BARX2: variants seen among roughly 807,000 people sequenced by gnomAD.
The protein encoded by BARX2 is homeobox protein BarH-like 2.
BARX2 carries 11 observed loss-of-function variants against 25.5 expected under a neutral mutation model. The observed-to-expected ratio is 0.43, with a 90% CI of 0.27 to 0.71. The LOEUF (loss-of-function observed/expected upper bound fraction) is 0.71. Among genes scored for constraint, BARX2 ranks in the 30% least tolerant of loss-of-function variants. The pLI is 0.19. For synonymous variants in BARX2, 137 were observed against 149.5 expected, an observed-to-expected ratio of 0.92 and a Z score of 0.61; for missense variants, 360 against 359.9, an observed-to-expected ratio of 1.00 and a Z score of 0.00.
At position 129,413,859 on chromosome 11, in the gene BARX2, C is replaced by G. The variant is rs554961765; in HGVS notation, c.188-22892C>G. Among the ~76,000 whole-genome samples the G allele has an allele frequency of 7.9e-5, 12 of 151,928 alleles. No homozygotes were observed. The East Asian group carries it at 1.4e-3, about 17-fold the overall frequency. On this transcript the variant is annotated intron_variant, in intron 1 of 3. Transcript: ENST00000281437. ...CAGGCGGATCACGAGGTCAGGAGATCGAGACAATCCTGGCTAACACGGTGA... is the reference window on the plus strand; with the variant it reads ...CAGGCGGATCACGAGGTCAGGAGATGGAGACAATCCTGGCTAACACGGTGA...
chr11:129,417,707 G>C (rs1427835073), intron 1 of BARX2, among the ~76,000 whole-genome samples: 1 of 152,240 alleles, frequency 6.6e-6, no homozygotes, highest in East Asian at 1.9e-4. Context: ...GATGCTGACT[G>C]CAAGAGAGGA....
chr11:129,397,908 T>C (rs1282958266), intron 1 of BARX2, among the ~76,000 whole-genome samples: 2 of 152,218 alleles, frequency 1.3e-5, no homozygotes, highest in Non-Finnish European at 2.9e-5. Context: ...TGAGTTCTTT[T>C]TCTGAACACT....
At chr11:129,404,103 G>A (rs1052575441) in intron 1 of BARX2, among the ~76,000 whole-genome samples, 1 of 152,170 alleles carries the variant, frequency 6.6e-6, no homozygotes, top group South Asian at 2.1e-4. Context: ...TTTTCAACAA[G>A]GACCACTGTG....
At chr11:129,446,024 T>A (rs1452219094) in intron 3 of BARX2, among the ~76,000 whole-genome samples, 1 of 152,184 alleles carries the variant, frequency 6.6e-6, no homozygotes, top group Non-Finnish European at 1.5e-5. Context: ...AGGGTAACTT[T>A]GCCAGAACCG....
intron 1 of BARX2, among the ~76,000 whole-genome samples, chr11:129,388,839 G>C (rs1182585966): frequency 6.6e-6 from 1 of 152,184 alleles, no homozygotes; most frequent in African/African-American, 2.4e-5. Context: ...CCATTTAGTG[G>C]AGTAATCCTA....
chr11:129,426,958 C>G (rs1862070252), intron 1 of BARX2, among the ~76,000 whole-genome samples: 1 of 152,188 alleles, frequency 6.6e-6, no homozygotes, highest in Non-Finnish European at 1.5e-5. Flanking sequence ...CATTGGAAGA[C>G]TTCCATTGAG....
rs1861503641 is a variant in BARX2, at chr11:129,376,309, G to C, written c.187+87G>C. On this transcript the variant is annotated intron_variant, in intron 1 of 3. Coordinates refer to ENST00000281437, the MANE Select transcript of BARX2 (RefSeq NM_003658.5). The surrounding 1 kb of genome is among the most constrained non-coding windows in gnomAD (Gnocchi z 4.2). Reference sequence around the variant, plus strand: ...TGTGCTTTGCGATCCGAGGGCGAGAGGAAGGGTTAAGTTAAGGGATTCTTT... The same window carrying C: ...TGTGCTTTGCGATCCGAGGGCGAGACGAAGGGTTAAGTTAAGGGATTCTTT... 7.7e-7 allele frequency: 1 copy of C among 1,292,404 alleles called. No individual in the cohort carries two copies. The highest frequency in any genetic ancestry group is 2.3e-5 in the Admixed American group (1 of 43,492). 80.1% of individuals were successfully genotyped at this position (1,292,404 alleles called of 1,614,324 possible).
At chr11:129,434,424 A>G (rs1191701112) in intron 1 of BARX2, among the ~76,000 whole-genome samples, 7 of 1,182 alleles carry the variant, frequency 5.9e-3, no homozygotes, top group African/African-American at 0.013. Flanking sequence ...AAGTAAGTAA[A>G]AAAAAAAAAA....
At chr11:129,433,729 G>A (rs972436768) in intron 1 of BARX2, among the ~76,000 whole-genome samples, 1 of 152,042 alleles carries the variant, frequency 6.6e-6, no homozygotes, top group Non-Finnish European at 1.5e-5. Context: ...TCCCACCATG[G>A]CCTTCCCTGA....
intron 2 of BARX2, 31 bp from the exon 3 acceptor site, chr11:129,442,804 T>C (rs774544076): frequency 1.5e-5 from 24 of 1,584,670 alleles, no homozygotes; most frequent in Non-Finnish European, 2.1e-5. Flanking sequence ...CCCATTCTGC[T>C]CACCTTTCCT....
chr11:129,436,569 C>T lies in BARX2; in HGVS notation c.188-182C>T. The T allele has an allele frequency of 1.5e-6, 1 of 651,408 alleles. No homozygotes were observed. Among genetic ancestry groups the T allele is most frequent in the South Asian group, 2.6e-5 (1 of 38,344 alleles). 40.4% of individuals were successfully genotyped at this position (651,408 alleles called of 1,614,324 possible). A position where few individuals can be genotyped will look rare whatever the true frequency, so the allele number is the denominator to read the frequency against. On this transcript the variant is annotated intron_variant, in intron 1 of 3. Coordinates refer to ENST00000281437, the MANE Select transcript of BARX2 (RefSeq NM_003658.5). The surrounding 1 kb of genome is among the most constrained non-coding windows in gnomAD (Gnocchi z 4.5). The stretch of plus-strand genomic sequence containing the variant: ...TCTTCCCACACAGAGCAGAGCAGAC[C>T]TCTGTGCCTGCCCTGCAGCTGTAGG...
chr11:129,403,485 C>T (rs975917279), intron 1 of BARX2, among the ~76,000 whole-genome samples: 4 of 152,170 alleles, frequency 2.6e-5, no homozygotes, highest in African/African-American at 9.7e-5. Flanking sequence ...CCACAGTCCC[C>T]ACTCGGCACT....
intron 2 of BARX2, among the ~76,000 whole-genome samples, chr11:129,441,994 C>G (rs899141167): frequency 3.3e-5 from 5 of 152,126 alleles, no homozygotes; most frequent in African/African-American, 1.2e-4. Flanking sequence ...ATGGCTTTGA[C>G]TTTTAGGACT....
At chr11:129,416,849 T>G (rs1005608762) in intron 1 of BARX2, among the ~76,000 whole-genome samples, 1 of 151,646 alleles carries the variant, frequency 6.6e-6, no homozygotes, top group Non-Finnish European at 1.5e-5. Context: ...TGGAGTATCG[T>G]AGGAGTACAT....
At chr11:129,447,370 C>G (rs115715516) in intron 3 of BARX2, among the ~76,000 whole-genome samples, 1 of 152,176 alleles carries the variant, frequency 6.6e-6, no homozygotes, top group Non-Finnish European at 1.5e-5. Flanking sequence ...GGTGTTCTTC[C>G]GAGAGGCAGA....
chr11:129,408,020 CAAAAA>C (rs59310534), intron 1 of BARX2, among the ~76,000 whole-genome samples: 2 of 46,484 alleles, frequency 4.3e-5, no homozygotes, highest in Admixed American at 5.9e-4. Flanking sequence ...GACTCCGTCT[CAAAAA>C]AAAAAAAAAA....
chr11:129,434,093 T>A (rs1289615666), intron 1 of BARX2, among the ~76,000 whole-genome samples: 1 of 150,712 alleles, frequency 6.6e-6, no homozygotes, highest in Non-Finnish European at 1.5e-5. Flanking sequence ...TCTAGACTTT[T>A]AAAAATGCAT....
chr11:129,389,834 A>G (rs756357384), intron 1 of BARX2, among the ~76,000 whole-genome samples: 2 of 152,124 alleles, frequency 1.3e-5, no homozygotes, highest in Non-Finnish European at 2.9e-5. Context: ...AAATGGTAGC[A>G]GTATGACAAC....
intron 1 of BARX2, among the ~76,000 whole-genome samples, chr11:129,391,153 A>G (rs1048570758): frequency 1.3e-5 from 2 of 152,192 alleles, no homozygotes; most frequent in Non-Finnish European, 2.9e-5. Flanking sequence ...TGGTGTTTCC[A>G]CAGAAAGCTA....
Sources: allele counts gnomAD v4.1 joint callset (sites outside exome capture counted in the v4.1 genomes callset), GRCh38; gene constraint gnomAD v4.1.1; non-coding constraint Gnocchi (gnomAD v3.1); transcripts MANE v1.5; gene names NCBI Gene and HGNC (gene_info 2026-07-23, HGNC 2026-07-21).